Variants in NRXN3 observed in about 807,000 individuals in gnomAD.
NRXN3 encodes neurexin 3.
NRXN3 carries 32 observed loss-of-function variants against 137.6 expected under a neutral mutation model. The ratio of observed to expected loss-of-function variants is 0.23; its 90% CI spans 0.18 to 0.31. NRXN3 has a LOEUF of 0.31. Ranked by LOEUF, NRXN3 falls within the 10% of genes least tolerant of loss-of-function variation. The probability of loss-of-function intolerance (pLI) is 1.00; values close to 1 mark genes in which losing one functional copy is unlikely to be tolerated. For synonymous variants in NRXN3, 798 were observed against 784.5 expected (o/e 1.02, Z -0.29); for missense variants, 1,574 against 2,062.5 (o/e 0.76, Z 4.59).
intron 15 of NRXN3, among the ~76,000 whole-genome samples, chr14:79,069,138 G>T (rs2099684321): frequency 6.6e-6 from 1 of 152,052 alleles, no homozygotes; most frequent in South Asian, 2.1e-4. Context: ...AAATATGAAA[G>T]GCTGTGAGAT....
chr14:79,684,191 A>G (rs1234486685), intron 17 of NRXN3, among the ~76,000 whole-genome samples: 1 of 152,228 alleles, frequency 6.6e-6, no homozygotes, highest in Non-Finnish European at 1.5e-5. Flanking sequence ...CTGTTATGAA[A>G]CAAAAAGAAT....
chr14:78,253,219 T>C (rs2068927987), intron 2 of NRXN3, among the ~76,000 whole-genome samples: 1 of 152,216 alleles, frequency 6.6e-6, no homozygotes, highest in Non-Finnish European at 1.5e-5. Flanking sequence ...GGAAACACAC[T>C]GAAATTTGGG....
intron 16 of NRXN3, among the ~76,000 whole-genome samples, chr14:79,491,577 T>C (rs2096717111): frequency 6.6e-6 from 1 of 151,306 alleles, no homozygotes; most frequent in South Asian, 2.1e-4. Context: ...ATGTACCCTG[T>C]AAAGAAATGA....
chr14:78,946,179 A>G (rs2099364829), intron 10 of NRXN3, among the ~76,000 whole-genome samples: 1 of 152,244 alleles, frequency 6.6e-6, no homozygotes, highest in South Asian at 2.1e-4. Context: ...CTGGTGGTCT[A>G]TTATTAACGG....
chr14:79,131,399 C>G (rs1463635008), intron 15 of NRXN3, among the ~76,000 whole-genome samples: 4 of 152,066 alleles, frequency 2.6e-5, no homozygotes, highest in African/African-American at 9.7e-5. Context: ...TTCTAACAGA[C>G]AGGACCCTCA....
rs550561540 is a variant in NRXN3, at chr14:79,412,458, A to G, written c.3263-54763A>G. Among the ~76,000 whole-genome samples, 36 of 152,024 alleles carry G rather than the reference A, an allele frequency of 2.4e-4. 1 individual carries two copies. The East Asian group carries it at 6.8e-3, about 29-fold the overall frequency. On this transcript the variant is annotated intron_variant, in intron 15 of 20. Transcript: ENST00000335750. ...AAAGATTCTGAGATCTAGGGGCAAAAGGGATTTTGAGAGTGCAAGTGAATT... is the reference window on the plus strand; with the variant it reads ...AAAGATTCTGAGATCTAGGGGCAAAGGGGATTTTGAGAGTGCAAGTGAATT...
intron 4 of NRXN3, among the ~76,000 whole-genome samples, chr14:78,471,600 C>G (rs2095273832): frequency 1.3e-5 from 2 of 152,168 alleles, no homozygotes; most frequent in African/African-American, 4.8e-5. Flanking sequence ...ATAATAAAAA[C>G]TAACCTGGGT....
intron 4 of NRXN3, among the ~76,000 whole-genome samples, chr14:78,437,469 C>T (rs945472487): frequency 2.0e-5 from 3 of 151,972 alleles, no homozygotes; most frequent in African/African-American, 7.3e-5. Flanking sequence ...TTGTCTCAGT[C>T]TCCTGAGTAG....
intron 1 of NRXN3, among the ~76,000 whole-genome samples, chr14:78,190,640 TTTATTTATTTATTTACTTAC>T (rs1347212975): frequency 9.8e-5 from 5 of 50,844 alleles, no homozygotes; most frequent in African/African-American, 4.8e-4. Flanking sequence ...TATTTATTTA[TTTATTTATTTATTTACTTAC>T]TTACTTACTT....
chr14:78,555,691 T>C (rs2096731018), intron 4 of NRXN3, among the ~76,000 whole-genome samples: 1 of 152,232 alleles, frequency 6.6e-6, no homozygotes, highest in Non-Finnish European at 1.5e-5. Flanking sequence ...TTTATATGTG[T>C]ATCTTAGATG....
intron 4 of NRXN3, among the ~76,000 whole-genome samples, chr14:78,579,194 C>T (rs1176525706): frequency 6.6e-6 from 1 of 152,170 alleles, no homozygotes; most frequent in African/African-American, 2.4e-5. Context: ...TACATCTGCA[C>T]CTGGATGCCT....
chr14:79,630,118 A>G (rs1229557307), intron 16 of NRXN3, among the ~76,000 whole-genome samples: 1 of 152,200 alleles, frequency 6.6e-6, no homozygotes, highest in Non-Finnish European at 1.5e-5. Flanking sequence ...GGCTCTTCGG[A>G]AAAAGATTAA....
chr14:78,473,868 C>T (rs946773508), intron 4 of NRXN3, among the ~76,000 whole-genome samples: 1 of 152,154 alleles, frequency 6.6e-6, no homozygotes, highest in African/African-American at 2.4e-5. Flanking sequence ...CTTGAATGTC[C>T]TAATTATGAG....
intron 4 of NRXN3, among the ~76,000 whole-genome samples, chr14:78,381,953 G>T (rs1321729082): frequency 6.6e-6 from 1 of 152,146 alleles, no homozygotes; most frequent in Non-Finnish European, 1.5e-5. Flanking sequence ...AATGTGTGCG[G>T]CTGTGAAAGG....
chr14:78,511,928 C>A (rs968110822), intron 4 of NRXN3, among the ~76,000 whole-genome samples: 1 of 152,138 alleles, frequency 6.6e-6, no homozygotes, highest in Non-Finnish European at 1.5e-5. Flanking sequence ...CAAGCTCTAC[C>A]ACTTAAGAGC....
chr14:79,571,024 G>T (rs764216615), intron 16 of NRXN3, among the ~76,000 whole-genome samples: 1 of 152,136 alleles, frequency 6.6e-6, no homozygotes, highest in East Asian at 1.9e-4. Flanking sequence ...CCATATTAGG[G>T]GTTAGGGCTT....
intron 10 of NRXN3, among the ~76,000 whole-genome samples, chr14:78,931,676 T>A (rs569636484): frequency 1.3e-5 from 2 of 152,266 alleles, no homozygotes; most frequent in East Asian, 3.9e-4. Flanking sequence ...TGAAAAAATC[T>A]GTTCTCTTTG....
intron 4 of NRXN3, among the ~76,000 whole-genome samples, chr14:78,450,776 T>C (rs1009856468): frequency 1.3e-5 from 2 of 152,180 alleles, no homozygotes; most frequent in African/African-American, 4.8e-5. Context: ...TTCTCCAAAA[T>C]GATCTATTTG....
rs188586789 is a variant in NRXN3 at position 79,680,540 on chromosome 14, G to A, written c.3617-11633G>A. Among the ~76,000 whole-genome samples the A allele has an allele frequency of 5.5e-4, 84 of 152,094 alleles. No individual in the cohort carries two copies. The East Asian group carries it at 0.014, about 25-fold the overall frequency. ...ATTGTTGTGTGTTAGTAGGGAATGT[G>A]GTGGAGGAGTGCCTTTCTAGTCTAA... is the stretch of plus-strand genomic sequence containing the variant. On this transcript the variant is annotated intron_variant, in intron 17 of 20. Transcript: ENST00000335750.
Sources: allele counts gnomAD v4.1 joint callset (sites outside exome capture counted in the v4.1 genomes callset), GRCh38; gene constraint gnomAD v4.1.1; transcripts MANE v1.5; gene names NCBI Gene and HGNC (gene_info 2026-07-23, HGNC 2026-07-21).